Variants in MACROD2 observed in about 807,000 individuals in gnomAD.
MACROD2 encodes ADP-ribose glycohydrolase MACROD2.
In MACROD2, 36 loss-of-function variants were observed where a neutral mutation model predicts 70.4. The ratio of observed to expected loss-of-function variants is 0.51; its 90% CI spans 0.39 to 0.68. The LOEUF is 0.68. MACROD2 is among the 30% of genes least tolerant of loss of function. The pLI, the probability that MACROD2 is intolerant of heterozygous loss-of-function variation, is 0.00. For missense variants in MACROD2, 496 were observed against 538.4 expected, an observed-to-expected ratio of 0.92 and a Z score of 0.78; for synonymous variants, 172 against 178.8, an observed-to-expected ratio of 0.96 and a Z score of 0.30.
intron 8 of MACROD2, among the ~76,000 whole-genome samples, chr20:15,834,318 C>T (rs763566117): frequency 2.6e-5 from 4 of 152,044 alleles, no homozygotes; most frequent in East Asian, 3.9e-4. Context: ...CCCGTCTGGG[C>T]GACAGAGCTA....
At chr20:15,010,782 G>T (rs1788597011) in intron 5 of MACROD2, among the ~76,000 whole-genome samples, 1 of 152,080 alleles carries the variant, frequency 6.6e-6, no homozygotes, top group African/African-American at 2.4e-5. Context: ...GTTTTGTTTT[G>T]AAATGAGCGT....
At chr20:15,437,525 G>A (rs952806843) in intron 7 of MACROD2, among the ~76,000 whole-genome samples, 3 of 152,120 alleles carry the variant, frequency 2.0e-5, no homozygotes, top group African/African-American at 7.2e-5. Context: ...TTTTAGGTTT[G>A]GGGGTACATG....
intron 8 of MACROD2, among the ~76,000 whole-genome samples, chr20:15,841,228 C>T (rs554362448): frequency 6.6e-6 from 1 of 152,228 alleles, no homozygotes; most frequent in African/African-American, 2.4e-5. Context: ...TGATCAAGGG[C>T]CGTGGCCAAG....
At chr20:14,657,998 A>C (rs1600507222) in intron 4 of MACROD2, among the ~76,000 whole-genome samples, 1 of 151,154 alleles carries the variant, frequency 6.6e-6, no homozygotes, top group East Asian at 1.9e-4. Context: ...AAGACGAAAG[A>C]TTGTTAAGTA....
chr20:14,052,230 T>C (rs962106001), intron 2 of MACROD2, among the ~76,000 whole-genome samples: 1 of 152,090 alleles, frequency 6.6e-6, no homozygotes, highest in African/African-American at 2.4e-5. Context: ...CCGTACAACT[T>C]TTCTGTCATC....
chr20:15,881,148 G>A (rs897812718), intron 9 of MACROD2, among the ~76,000 whole-genome samples: 2 of 152,010 alleles, frequency 1.3e-5, no homozygotes, highest in African/African-American at 4.8e-5. Context: ...TATTTGACTA[G>A]CAAAAATAGT....
chr20:15,409,666 A>T (rs1401269020), intron 6 of MACROD2, among the ~76,000 whole-genome samples: 1 of 152,216 alleles, frequency 6.6e-6, no homozygotes, highest in African/African-American at 2.4e-5. Flanking sequence ...GAATGGCAGG[A>T]TCCGATACAG....
chr20:15,460,093 C>T (rs1242622211), intron 7 of MACROD2, among the ~76,000 whole-genome samples: 1 of 152,072 alleles, frequency 6.6e-6, no homozygotes, highest in Admixed American at 6.6e-5. Context: ...GAAAAAGACA[C>T]GACTATTGTT....
intron 3 of MACROD2, among the ~76,000 whole-genome samples, chr20:14,292,223 C>G (rs1457424756): frequency 6.6e-6 from 1 of 151,922 alleles, no homozygotes; most frequent in Non-Finnish European, 1.5e-5. Context: ...AACACTCATA[C>G]AGCTAGAAGA....
chr20:15,575,694 T>A (rs1304467586), intron 8 of MACROD2, among the ~76,000 whole-genome samples: 1 of 152,196 alleles, frequency 6.6e-6, no homozygotes, highest in African/African-American at 2.4e-5. Context: ...TTAAAACATT[T>A]CATGGAAGCA....
At chr20:14,497,460 C>A (rs2084866991) in intron 4 of MACROD2, among the ~76,000 whole-genome samples, 1 of 151,750 alleles carries the variant, frequency 6.6e-6, no homozygotes, top group South Asian at 2.1e-4. Context: ...AAAATCAGAA[C>A]TGAAGAGCTA....
chr20:14,157,297 G>A (rs759937998), intron 3 of MACROD2, among the ~76,000 whole-genome samples: 3 of 151,906 alleles, frequency 2.0e-5, no homozygotes, highest in Non-Finnish European at 2.9e-5. Context: ...ATATTTATGG[G>A]GCACATGCAA....
chr20:15,673,455 C>T (rs1279556252), intron 8 of MACROD2, among the ~76,000 whole-genome samples: 4 of 152,138 alleles, frequency 2.6e-5, no homozygotes, highest in Non-Finnish European at 2.9e-5. Flanking sequence ...GTGGCTAACT[C>T]ATGTCAGAAG....
At chr20:14,835,663 G>T (rs946666203) in intron 5 of MACROD2, among the ~76,000 whole-genome samples, 5 of 152,146 alleles carry the variant, frequency 3.3e-5, no homozygotes, top group Non-Finnish European at 7.4e-5. Flanking sequence ...GAATCCACTT[G>T]CTCAGATACT....
chr20:14,366,739 A>G (rs1407951909), intron 3 of MACROD2, among the ~76,000 whole-genome samples: 2 of 152,170 alleles, frequency 1.3e-5, no homozygotes, highest in African/African-American at 4.8e-5. Context: ...TATGACTTAC[A>G]TGGAGTATCT....
rs148322424 is a variant in MACROD2, at chr20:14,785,761, C to A, written c.418+100802C>A. Among the ~76,000 whole-genome samples the A allele has an allele frequency of 5.6e-3, 859 of 152,140 alleles. 11 individuals are homozygous for A. Among genetic ancestry groups the A allele is most frequent in the Middle Eastern group, 0.031 (9 of 294 alleles). ...GCAGACCAGGGGTAATCTGGGAGAT[C>A]CATGATCATTAGGGACCTAGACTCC... On this transcript the variant is annotated intron_variant, in intron 5 of 17. Transcript: ENST00000684519.
chr20:14,728,528 A>G (rs945107520), intron 5 of MACROD2, among the ~76,000 whole-genome samples: 26 of 152,142 alleles, frequency 1.7e-4, no homozygotes, highest in Non-Finnish European at 3.7e-4. Context: ...CCATTTAAAA[A>G]CCTTACAGAA....
intron 2 of MACROD2, among the ~76,000 whole-genome samples, chr20:14,063,182 G>A (rs1271506881): frequency 2.0e-5 from 3 of 152,326 alleles, no homozygotes; most frequent in South Asian, 2.1e-4. Flanking sequence ...TTTAATTTTT[G>A]TATATCTAAG....
chr20:15,383,263 G>A (rs1034311027), intron 6 of MACROD2, among the ~76,000 whole-genome samples: 8 of 152,162 alleles, frequency 5.3e-5, no homozygotes, highest in Non-Finnish European at 8.8e-5. Flanking sequence ...GATATAATTG[G>A]TAAGTAAGAA....
Sources: gnomAD v4.1 joint callset for allele counts (sites outside exome capture counted in the v4.1 genomes callset) on GRCh38, gnomAD v4.1.1 for gene constraint, MANE v1.5 for transcripts, NCBI Gene and HGNC (gene_info 2026-07-23, HGNC 2026-07-21) for gene names.